ABCG1: variants seen among roughly 807,000 people sequenced by gnomAD.
The protein encoded by ABCG1 is ATP binding cassette subfamily G member 1.
Under a neutral mutation model 69.2 loss-of-function variants are expected in ABCG1, and 29 were observed. The ratio of observed to expected loss-of-function variants is 0.42; its 90% CI spans 0.31 to 0.57. The LOEUF (loss-of-function observed/expected upper bound fraction) is 0.57, where lower values mean the gene tolerates loss of function less well. Among genes scored for constraint, ABCG1 ranks in the 20% least tolerant of loss-of-function variants. The pLI is 0.15. For missense variants in ABCG1, 718 were observed against 898.1 expected, an observed-to-expected ratio of 0.80 and a Z score of 2.56; for synonymous variants, 370 against 374.8, an observed-to-expected ratio of 0.99 and a Z score of 0.15.
intron 2 of ABCG1, among the ~76,000 whole-genome samples, chr21:42,236,447 C>T (rs1207959643): frequency 2.6e-5 from 4 of 152,232 alleles, no homozygotes; most frequent in Admixed American, 2.0e-4. Flanking sequence ...GCTTTGCTGT[C>T]TCTGGAGACC....
chr21:42,219,316 C>T lies in ABCG1; in HGVS notation c.42+12C>T, dbSNP rs2067683038. 1.3e-6 allele frequency: 2 copies of T among 1,597,694 alleles called. No individual in the cohort carries two copies. Among genetic ancestry groups the T allele is most frequent in the African/African-American group, 1.4e-5 (1 of 73,458 alleles). On this transcript the variant is annotated intron_variant, in intron 1 of 14. Transcript: ENST00000398449. The surrounding 1 kb of genome is among the most constrained non-coding windows in gnomAD (Gnocchi z 5.3). Reference sequence around the variant, plus strand: ...TCGGCACCGCCATGGTGAGTGAGCGCATCCTTCGTCCGCCGGGAACGGTTT... The same window carrying T: ...TCGGCACCGCCATGGTGAGTGAGCGTATCCTTCGTCCGCCGGGAACGGTTT...
chr21:42,244,487 T>C (rs1008190245), intron 2 of ABCG1, among the ~76,000 whole-genome samples: 3 of 152,226 alleles, frequency 2.0e-5, no homozygotes, highest in Admixed American at 1.3e-4. Flanking sequence ...GCTAAAAGAC[T>C]TCAAAAGCTT....
In ABCG1 at chr21:42,202,788, T is replaced by G. The variant is rs1249122795; in HGVS notation, c.48+1065T>G. On this transcript the variant is annotated intron_variant, in intron 2 of 15. Coordinates refer to the ABCG1 transcript ENST00000398457. ...CACCACGCCTGGCTAATTTTTAAAA[T>G]TTTTTATAGAGATGAGGTCGCACCC... Among the ~76,000 whole-genome samples the G allele has an allele frequency of 2.0e-5, 3 of 151,982 alleles. No individual in the cohort carries two copies. In the South Asian group the frequency reaches 6.2e-4, roughly 32 times the overall value.
intron 2 of ABCG1, among the ~76,000 whole-genome samples, chr21:42,253,706 C>G (rs2068259127): frequency 6.6e-6 from 1 of 152,090 alleles, no homozygotes; most frequent in South Asian, 2.1e-4. Flanking sequence ...TGCAGGGTAA[C>G]TTGGCTTTGA....
At chr21:42,216,847 T>C (rs979239968), upstream of ABCG1, among the ~76,000 whole-genome samples, 1 of 152,188 alleles carries the variant, frequency 6.6e-6, no homozygotes, top group African/African-American at 2.4e-5. Flanking sequence ...AACACAGCAG[T>C]GACTACAGTG....
Position 42,273,602 on chromosome 21 carries a change from C to T in ABCG1, c.537+167C>T, listed in dbSNP as rs1432107588. Among the ~76,000 whole-genome samples the T allele has an allele frequency of 2.6e-5, 4 of 152,210 alleles. No individual in the cohort carries two copies. The highest frequency in any genetic ancestry group is 9.7e-5 in the African/African-American group (4 of 41,428). ...TCTAGCGGAGTTCTAACACCAGACTCGCTGTTGGGACAGGCAGCATCATCC... is the reference window on the plus strand; with the variant it reads ...TCTAGCGGAGTTCTAACACCAGACTTGCTGTTGGGACAGGCAGCATCATCC... On this transcript the variant is annotated intron_variant, in intron 4 of 14. Coordinates refer to ENST00000398449, the MANE Select transcript of ABCG1 (RefSeq NM_016818.3). The surrounding 1 kb of genome is among the most constrained non-coding windows in gnomAD (Gnocchi z 5.3).
chr21:42,291,294 C>T lies in ABCG1; in HGVS notation c.1494+102C>T. 1.7e-6 allele frequency: 2 copies of T among 1,197,128 alleles called. No individual in the cohort carries two copies. The highest frequency in any genetic ancestry group is 2.0e-5 in the Admixed American group (1 of 49,486). 74.2% of individuals were successfully genotyped at this position (1,197,128 alleles called of 1,614,324 possible). A position where few individuals can be genotyped will look rare whatever the true frequency, so the allele number is the denominator to read the frequency against. The stretch of plus-strand genomic sequence containing the variant: ...CTGCCAGGGATGCAGGGTGACATGG[C>T]CCGACTTCGGGAGCTCTGGTGGGAG... On this transcript the variant is annotated intron_variant, in intron 12 of 14. Transcript: ENST00000398449. This position sits in a 1 kb window ranked among gnomAD's most constrained non-coding sequence, Gnocchi z 6.4.
chr21:42,238,408 T>C (rs1601373448), intron 2 of ABCG1, among the ~76,000 whole-genome samples: 2 of 152,194 alleles, frequency 1.3e-5, no homozygotes, highest in African/African-American at 4.8e-5. Context: ...CTTTGTATGG[T>C]TCCTTTTCTG....
rs4919982 is a variant in ABCG1, at chr21:42,271,348, G to A, written c.404+161G>A. Among the ~76,000 whole-genome samples, 189 of 152,310 alleles carry A rather than the reference G, an allele frequency of 1.2e-3. No individual in the cohort carries two copies. The Middle Eastern group carries it at 0.014, about 11-fold the overall frequency. ...CATTGAGAGGCTGCACTTGCCAAGG[G>A]CCATATGATGGGTGGAGAGCCACAC... On this transcript the variant is annotated intron_variant, in intron 3 of 14. Coordinates refer to ENST00000398449, the MANE Select transcript of ABCG1 (RefSeq NM_016818.3).
chr21:42,294,678 CGCATGGCGTG>C lies in ABCG1; in HGVS notation c.1772+20_1772+29del. 2 of 1,606,604 alleles carry C rather than the reference CGCATGGCGTG, an allele frequency of 1.2e-6. No individual in the cohort carries two copies. Among genetic ancestry groups the C allele is most frequent in the Non-Finnish European group, 1.7e-6 (2 of 1,173,180 alleles). On this transcript the variant is annotated intron_variant, in intron 14 of 14. Transcript: ENST00000398449. Reference sequence around the variant, plus strand: ...TATGTCAGGTAGCGGGCGTGGGGCACGCATGGCGTGGGGACCGAGGGTGACGGGGGAAGAA... The same window carrying C: ...TATGTCAGGTAGCGGGCGTGGGGCACGGGACCGAGGGTGACGGGGGAAGAA...
rs528698562 is a variant in ABCG1, at chr21:42,287,714, G to A, written c.974-175G>A. On this transcript the variant is annotated intron_variant, in intron 8 of 14. Coordinates refer to ENST00000398449, the MANE Select transcript of ABCG1 (RefSeq NM_016818.3). This position sits in a 1 kb window ranked among gnomAD's most constrained non-coding sequence, Gnocchi z 6.2. ...ACATGATAAAGGGCCTTGCTGGGGG[G>A]TTTGAGAGCCGCACGCTGGTTGATA... is the stretch of plus-strand genomic sequence containing the variant. Among the ~76,000 whole-genome samples, 4 of 152,248 alleles carry A rather than the reference G, an allele frequency of 2.6e-5. No individual in the cohort carries two copies. Among genetic ancestry groups the A allele is most frequent in the Non-Finnish European group, 5.9e-5 (4 of 68,046 alleles).
intron 7 of ABCG1, 74 bp downstream of exon 7, chr21:42,284,757 G>GT (rs760049693): frequency 2.3e-5 from 35 of 1,552,824 alleles, no homozygotes; most frequent in Admixed American, 6.9e-5. Flanking sequence ...CAAACCCTGG[G>GT]TACCCACTGC....
rs763701369 is a variant in ABCG1 at position 42,296,304 on chromosome 21, T to C, written c.1913T>C (p.Leu638Pro). Residue 638 changes from leucine to proline, a missense_variant, in exon 15 of 15, where the codon CTG becomes CCG. Physicochemically the swap from Leu to Pro is moderately conservative, Grantham distance 98. Transcript: ENST00000398449. This position sits in a 1 kb window ranked among gnomAD's most constrained non-coding sequence, Gnocchi z 5.4. ...ELDVENAKLY[L>P]DFIVLGIFFI... is the part of the protein sequence containing the mutation. ...GACGTGGAAAATGCCAAGCTGTACC[T>C]GGACTTCATCGTACTCGGGATTTTC... 1 of 1,614,204 alleles carries C rather than the reference T, an allele frequency of 6.2e-7. No individual in the cohort carries two copies. Among genetic ancestry groups the C allele is most frequent in the Non-Finnish European group, 8.5e-7 (1 of 1,180,040 alleles).
intron 2 of ABCG1, among the ~76,000 whole-genome samples, chr21:42,258,965 G>A (rs2068357610): frequency 6.6e-6 from 1 of 152,214 alleles, no homozygotes; most frequent in Admixed American, 6.5e-5. Context: ...CAGAATTCTG[G>A]AGAACCGTAG....
chr21:42,243,028 C>G (rs2068074914), intron 2 of ABCG1, among the ~76,000 whole-genome samples: 1 of 152,152 alleles, frequency 6.6e-6, no homozygotes, highest in South Asian at 2.1e-4. Context: ...TGGGAGCCAC[C>G]CTGAGCCCTG....
chr21:42,270,926 C>A, intron 2 of ABCG1, 144 bp from the exon 3 acceptor site: 1 of 521,270 alleles, frequency 1.9e-6, no homozygotes. Flanking sequence ...ACATGAAGTT[C>A]ATGTTCTTCC....
At chr21:42,262,943 A>G (rs225387) in intron 2 of ABCG1, among the ~76,000 whole-genome samples, 66,205 of 152,132 alleles carry the variant, frequency 0.44, 14,918 homozygotes, top group Middle Eastern at 0.59. Context: ...GGCCTCTGCC[A>G]GGGGACTGGG....
At chr21:42,282,128 T>C (rs1173365465) in intron 5 of ABCG1, 146 bp from the exon 6 acceptor site, 41 of 1,053,566 alleles carry the variant, frequency 3.9e-5, no homozygotes, top group Non-Finnish European at 5.4e-5. Context: ...CAGCCTGGAG[T>C]GGGTTCGACT....
At chr21:42,250,063 C>G (rs904927187) in intron 2 of ABCG1, among the ~76,000 whole-genome samples, 1 of 148,102 alleles carries the variant, frequency 6.8e-6, no homozygotes, top group Non-Finnish European at 1.5e-5. Context: ...GGAAGGTGCC[C>G]GTGTGTTGTG....
Sources: gnomAD v4.1 joint callset for allele counts (sites outside exome capture counted in the v4.1 genomes callset) on GRCh38, gnomAD v4.1.1 for gene constraint, Gnocchi (gnomAD v3.1) non-coding constraint, MANE v1.5 for transcripts, NCBI Gene and HGNC (gene_info 2026-07-23, HGNC 2026-07-21) for gene names.